Variants in IMMP2L observed in about 807,000 individuals in gnomAD.
The protein encoded by IMMP2L is mitochondrial inner membrane protease subunit 2.
In IMMP2L, 18 loss-of-function variants were observed where a neutral mutation model predicts 19.3. The ratio of observed to expected loss-of-function variants is 0.93; its 90% CI spans 0.64 to 1.38. The LOEUF (loss-of-function observed/expected upper bound fraction) is 1.38. Ranked by LOEUF, IMMP2L falls within the 40% of genes most tolerant of loss-of-function variation. The pLI is 0.00. For missense variants in IMMP2L, 233 were observed against 218.2 expected, an observed-to-expected ratio of 1.07 and a Z score of -0.43; for synonymous variants, 76 against 73.0, an observed-to-expected ratio of 1.04 and a Z score of -0.21.
chr7:111,165,803 G>C (rs892775897), intron 3 of IMMP2L, among the ~76,000 whole-genome samples: 2 of 151,994 alleles, frequency 1.3e-5, no homozygotes, highest in Non-Finnish European at 2.9e-5. Context: ...ACAGCATCTT[G>C]AGATCAAATT....
intron 3 of IMMP2L, among the ~76,000 whole-genome samples, chr7:111,040,248 T>C (rs1585902031): frequency 1.3e-5 from 2 of 152,250 alleles, no homozygotes; most frequent in Admixed American, 6.5e-5. Flanking sequence ...AAAAATTATT[T>C]ATTTGAAAAG....
chr7:110,847,331 TTC>T (rs1039619716), intron 5 of IMMP2L, among the ~76,000 whole-genome samples: 18 of 152,324 alleles, frequency 1.2e-4, no homozygotes, highest in African/African-American at 4.3e-4. Flanking sequence ...GCACCTGATT[TTC>T]TGTTTGTACT....
At chr7:111,159,777 G>A (rs1805052492) in intron 3 of IMMP2L, among the ~76,000 whole-genome samples, 2 of 151,948 alleles carry the variant, frequency 1.3e-5, no homozygotes, top group South Asian at 4.1e-4. Flanking sequence ...AGGAAAAAAA[G>A]TGAACTTTTG....
chr7:111,048,199 C>T (rs1349862020), intron 3 of IMMP2L, among the ~76,000 whole-genome samples: 2 of 131,248 alleles, frequency 1.5e-5, no homozygotes, highest in African/African-American at 6.2e-5. Context: ...GAGATTGAGC[C>T]ACTGCACTCC....
intron 5 of IMMP2L, among the ~76,000 whole-genome samples, chr7:110,784,963 T>C (rs1290034025): frequency 2.6e-5 from 4 of 151,962 alleles, no homozygotes; most frequent in Non-Finnish European, 4.4e-5. Flanking sequence ...TAAAATGAGA[T>C]ACAAGAAACA....
intron 3 of IMMP2L, among the ~76,000 whole-genome samples, chr7:111,286,554 T>C (rs1820506180): frequency 6.6e-6 from 1 of 152,150 alleles, no homozygotes; most frequent in Admixed American, 6.5e-5. Flanking sequence ...TCCTCAGAAA[T>C]ATTATGCAAA....
At chr7:110,939,121 G>A (rs1816430124) in intron 4 of IMMP2L, among the ~76,000 whole-genome samples, 1 of 151,994 alleles carries the variant, frequency 6.6e-6, no homozygotes, top group African/African-American at 2.4e-5. Context: ...TTCAACCATG[G>A]TTATATATGA....
At chr7:110,834,573 T>C (rs1469779529) in intron 5 of IMMP2L, among the ~76,000 whole-genome samples, 1 of 152,156 alleles carries the variant, frequency 6.6e-6, no homozygotes, top group Non-Finnish European at 1.5e-5. Flanking sequence ...TAAACATATA[T>C]ACCTCACCAT....
At chr7:110,819,551 C>T (rs942866457) in intron 5 of IMMP2L, among the ~76,000 whole-genome samples, 2 of 152,010 alleles carry the variant, frequency 1.3e-5, no homozygotes, top group African/African-American at 4.8e-5. Context: ...CAAACCCAAA[C>T]CATCACTATC....
chr7:111,264,384 T>C (rs1432938902), intron 3 of IMMP2L, among the ~76,000 whole-genome samples: 3 of 152,166 alleles, frequency 2.0e-5, no homozygotes, highest in Non-Finnish European at 4.4e-5. Flanking sequence ...ACAGAAGATA[T>C]TTCCAAATCA....
intron 3 of IMMP2L, among the ~76,000 whole-genome samples, chr7:111,093,790 G>C (rs1214620617): frequency 6.6e-6 from 1 of 152,134 alleles, no homozygotes; most frequent in Non-Finnish European, 1.5e-5. Context: ...TGTATGACTG[G>C]AAGATTTACC....
At chr7:110,718,686 G>A (rs906864364) in intron 5 of IMMP2L, among the ~76,000 whole-genome samples, 3 of 151,992 alleles carry the variant, frequency 2.0e-5, no homozygotes, top group Non-Finnish European at 2.9e-5. Flanking sequence ...GGAATCAGAG[G>A]GACAAAAGGA....
chr7:110,960,899 A>G (rs926351094), intron 4 of IMMP2L, among the ~76,000 whole-genome samples: 5 of 151,912 alleles, frequency 3.3e-5, no homozygotes, highest in African/African-American at 1.2e-4. Context: ...CTCACCCAAA[A>G]AGAGATATGA....
At chr7:110,971,168 T>A (rs1456901969) in intron 3 of IMMP2L, among the ~76,000 whole-genome samples, 1 of 152,090 alleles carries the variant, frequency 6.6e-6, no homozygotes, top group Non-Finnish European at 1.5e-5. Context: ...GAGAATGTTA[T>A]TGAAGAATGG....
chr7:110,992,465 A>G (rs1379540109), intron 3 of IMMP2L, among the ~76,000 whole-genome samples: 2 of 152,038 alleles, frequency 1.3e-5, no homozygotes, highest in African/African-American at 4.8e-5. Flanking sequence ...TAATGCATCA[A>G]TAATGCTATC....
At chr7:111,283,004 C>A (rs962177812) in intron 3 of IMMP2L, among the ~76,000 whole-genome samples, 2 of 152,084 alleles carry the variant, frequency 1.3e-5, no homozygotes, top group African/African-American at 4.8e-5. Context: ...ATACTCCATC[C>A]ACAACACCTG....
intron 5 of IMMP2L, among the ~76,000 whole-genome samples, chr7:110,704,035 G>A (rs1303744986): frequency 6.6e-6 from 1 of 151,936 alleles, no homozygotes; most frequent in Admixed American, 6.6e-5. Context: ...TTTTAGTAGA[G>A]ACAGGGTTTC....
At chr7:111,479,662 G>A (rs1842012723) in intron 3 of IMMP2L, among the ~76,000 whole-genome samples, 2 of 151,926 alleles carry the variant, frequency 1.3e-5, no homozygotes, top group Non-Finnish European at 2.9e-5. Context: ...AATATTTAAC[G>A]TGTATTTGGG....
intron 3 of IMMP2L, among the ~76,000 whole-genome samples, chr7:111,339,506 C>T (rs1379741605): frequency 6.6e-6 from 1 of 151,736 alleles, no homozygotes; most frequent in Non-Finnish European, 1.5e-5. Context: ...CCAGCTTAGC[C>T]CTACACCGCA....
Sources: allele counts gnomAD v4.1 joint callset (sites outside exome capture counted in the v4.1 genomes callset), GRCh38; gene constraint gnomAD v4.1.1; transcripts MANE v1.5; gene names NCBI Gene and HGNC (gene_info 2026-07-23, HGNC 2026-07-21).